TEX10: variants seen among roughly 807,000 people sequenced by gnomAD.
TEX10 encodes testis expressed 10, also known as testis-expressed protein 10.
Under a neutral mutation model 104.4 loss-of-function variants are expected in TEX10, and 24 were observed. The ratio of observed to expected loss-of-function variants is 0.23; its 90% confidence interval spans 0.17 to 0.32. The LOEUF (loss-of-function observed/expected upper bound fraction) is 0.32. Among genes scored for constraint, TEX10 ranks in the 10% least tolerant of loss-of-function variants. The pLI, the probability that TEX10 is intolerant of heterozygous loss-of-function variation, is 1.00. For missense variants in TEX10, 921 were observed against 1,083.9 expected (o/e 0.85, Z 2.11); for synonymous variants, 396 against 393.4 (o/e 1.01, Z -0.08).
At chr9:100,321,369 T>C (rs1352840026) in intron 10 of TEX10, among the ~76,000 whole-genome samples, 2 of 152,164 alleles carry the variant, frequency 1.3e-5, no homozygotes, top group African/African-American at 4.8e-5. Context: ...ATAATACATT[T>C]AAAATAATAG....
At chr9:100,324,935 T>C (rs574777404) in intron 9 of TEX10, among the ~76,000 whole-genome samples, 2 of 152,258 alleles carry the variant, frequency 1.3e-5, no homozygotes, top group East Asian at 1.9e-4. Flanking sequence ...AGAAAAAACA[T>C]GGGAAACTAA....
At chr9:100,324,476 A>G (rs1336470895) in intron 9 of TEX10, among the ~76,000 whole-genome samples, 4 of 152,208 alleles carry the variant, frequency 2.6e-5, no homozygotes, top group African/African-American at 4.8e-5. Context: ...AAGTCTACTA[A>G]TGGACTCTGT....
At chr9:100,328,086 C>T in intron 7 of TEX10, 124 bp from the exon 8 acceptor site, 1 of 670,448 alleles carries the variant, frequency 1.5e-6, no homozygotes, top group Non-Finnish European at 2.2e-6. Context: ...ATCAATAATA[C>T]CACATTTATT....
At chr9:100,319,629 AC>A (rs1564207185) in intron 11 of TEX10, among the ~76,000 whole-genome samples, 1 of 151,776 alleles carries the variant, frequency 6.6e-6, no homozygotes, top group African/African-American at 2.4e-5. Context: ...ACATAGTAAA[AC>A]CCCGTCTCTA....
At chr9:100,313,513 CAAAAA>C (rs34520951) in intron 11 of TEX10, among the ~76,000 whole-genome samples, 1 of 108,958 alleles carries the variant, frequency 9.2e-6, no homozygotes, top group Admixed American at 9.5e-5. Flanking sequence ...GAAACTTGGT[CAAAAA>C]AAAAAAAAAG....
chr9:100,308,890 A>G (rs7035281), intron 12 of TEX10, among the ~76,000 whole-genome samples: 152,004 of 152,356 alleles, frequency 1, 75,828 homozygotes, highest in Middle Eastern at 1. Context: ...ACATGCAAAC[A>G]CAAGAAGTGC....
chr9:100,309,582 G>T (rs1264492176), intron 12 of TEX10, among the ~76,000 whole-genome samples: 3 of 152,196 alleles, frequency 2.0e-5, no homozygotes, highest in African/African-American at 7.2e-5. Flanking sequence ...ACAGCAGGGA[G>T]AAAGTACTAG....
At chr9:100,329,071 T>C (rs1188784043) in intron 7 of TEX10, 69 bp downstream of exon 7, 1 of 1,422,452 alleles carries the variant, frequency 7.0e-7, no homozygotes, top group Non-Finnish European at 9.4e-7. Flanking sequence ...TCTCTAAAAT[T>C]ATTTAAATAC....
At chr9:100,336,652 A>G (rs1444656949) in intron 5 of TEX10, among the ~76,000 whole-genome samples, 1 of 152,192 alleles carries the variant, frequency 6.6e-6, no homozygotes, top group Non-Finnish European at 1.5e-5. Context: ...AATAGAAATA[A>G]AGCGCACAAT....
intron 5 of TEX10, among the ~76,000 whole-genome samples, chr9:100,331,893 A>T (rs542551140): frequency 6.6e-6 from 1 of 152,244 alleles, no homozygotes; most frequent in Non-Finnish European, 1.5e-5. Flanking sequence ...AATTAGCCAG[A>T]TTTGAAATAT....
rs569283968 is a variant in TEX10, at chr9:100,320,885, T to G, written c.2069-487A>C. 6.6e-5 allele frequency among the ~76,000 whole-genome samples: 10 copies of G among 152,300 alleles called. No homozygotes were observed. The South Asian group carries it at 2.1e-3, about 32-fold the overall frequency. ...TTCATTCAACAATTTCTAGTTCCCC[T>G]TACCACCTCTATTTACACTTGGCCT... On this transcript the variant is annotated intron_variant, in intron 10 of 14. Coordinates refer to ENST00000374902, the MANE Select transcript of TEX10 (RefSeq NM_017746.4).
At chr9:100,315,345 T>TGGGG (rs1189024913) in intron 11 of TEX10, among the ~76,000 whole-genome samples, 3 of 152,190 alleles carry the variant, frequency 2.0e-5, no homozygotes, top group African/African-American at 7.2e-5. Context: ...ATGCTGAGAC[T>TGGGG]GGGGTGTTAA....
chr9:100,339,506 ACT>A (rs1835117328), intron 5 of TEX10, among the ~76,000 whole-genome samples: 1 of 151,106 alleles, frequency 6.6e-6, no homozygotes, highest in Non-Finnish European at 1.5e-5. Flanking sequence ...TGAATGAAAA[ACT>A]CTTATGCCTG....
intron 5 of TEX10, among the ~76,000 whole-genome samples, chr9:100,332,382 G>A (rs1297549299): frequency 1.3e-5 from 2 of 152,150 alleles, no homozygotes; most frequent in African/African-American, 4.8e-5. Flanking sequence ...ATGGACATCT[G>A]CAAACTTGGG....
At chr9:100,333,453 C>T (rs1451535326) in intron 5 of TEX10, among the ~76,000 whole-genome samples, 1 of 151,936 alleles carries the variant, frequency 6.6e-6, no homozygotes, top group African/African-American at 2.4e-5. Flanking sequence ...TAATTGTTGA[C>T]AAAATGATTC....
rs1025201796 is a variant in TEX10 at position 100,329,173 on chromosome 9, T to C, written c.1592A>G (p.Tyr531Cys). ...ACAAGATCTCAGTTCTTCTGTCTGATAGATTTTACTGAAAAACTTCAATAA... is the reference window on the plus strand; with the variant it reads ...ACAAGATCTCAGTTCTTCTGTCTGACAGATTTTACTGAAAAACTTCAATAA... ...TLLLKFFSKI[Y>C]QTEELRSCRF... is the part of the protein sequence containing the mutation. The change falls in exon 7 of 15, where the codon TAT (tyrosine) becomes TGT (cysteine). Residue 531 changes from tyrosine to cysteine, a missense_variant. Transcript: ENST00000374902. The C allele has an allele frequency of 3.1e-6, 5 of 1,610,366 alleles. No homozygotes were observed. The highest frequency in any genetic ancestry group is 4.5e-5 in the East Asian group (2 of 44,824).
intron 5 of TEX10, among the ~76,000 whole-genome samples, chr9:100,332,274 A>T (rs1834881778): frequency 6.6e-6 from 1 of 152,258 alleles, no homozygotes; most frequent in East Asian, 1.9e-4. Context: ...AAACACTGGG[A>T]TAGAATTGCA....
At chr9:100,326,247 A>C (rs1040356369) in intron 9 of TEX10, 55 bp downstream of exon 9, 16 of 1,558,330 alleles carry the variant, frequency 1.0e-5, no homozygotes, top group Non-Finnish European at 1.4e-5. Flanking sequence ...ACAAATTACC[A>C]GTAAAAGGGG....
At chr9:100,349,044 T>C (rs1246053999) in intron 2 of TEX10, 140 bp downstream of exon 2, 2 of 598,392 alleles carry the variant, frequency 3.3e-6, no homozygotes, top group Non-Finnish European at 5.0e-6. Context: ...GGGTAAAAGA[T>C]AAACTCCAAA....
Sources: allele counts gnomAD v4.1 joint callset (sites outside exome capture counted in the v4.1 genomes callset), GRCh38; gene constraint gnomAD v4.1.1; transcripts MANE v1.5; gene names NCBI Gene and HGNC (gene_info 2026-07-23, HGNC 2026-07-21).